The following CLTCL1 variants were observed in gnomAD, a reference collection of about 807,000 sequenced individuals.
CLTCL1 encodes the protein clathrin heavy chain like 1, also known as clathrin heavy chain 2.
Under a neutral mutation model 190.0 loss-of-function variants are expected in CLTCL1, and 159 were observed. The observed-to-expected ratio is 0.84, with a 90% CI of 0.74 to 0.95. The LOEUF (loss-of-function observed/expected upper bound fraction) is 0.95. CLTCL1 is among the 40% of genes least tolerant of loss of function. The pLI is 0.00. For synonymous variants in CLTCL1, 752 were observed against 769.6 expected, an observed-to-expected ratio of 0.98 and a Z score of 0.38; for missense variants, 1,878 against 2,033.4, an observed-to-expected ratio of 0.92 and a Z score of 1.47.
At chr22:19,262,165 A>T (rs1363100481) in intron 2 of CLTCL1, among the ~76,000 whole-genome samples, 1 of 151,872 alleles carries the variant, frequency 6.6e-6, no homozygotes, top group Admixed American at 6.6e-5. Context: ...AGCTGGGACT[A>T]CAGGAGCGTG....
chr22:19,286,525 C>T (rs576831835), intron 1 of CLTCL1, among the ~76,000 whole-genome samples: 15 of 152,296 alleles, frequency 9.8e-5, no homozygotes, highest in African/African-American at 3.6e-4. Flanking sequence ...GAGATAGCTA[C>T]ATAATGGCAA....
chr22:19,284,698 GT>G (rs2087841806), intron 1 of CLTCL1, among the ~76,000 whole-genome samples: 1 of 152,024 alleles, frequency 6.6e-6, no homozygotes, highest in South Asian at 2.1e-4. Flanking sequence ...GCTCACACCT[GT>G]AATCCCAGCA....
At chr22:19,237,697 T>G (rs1456344157) in intron 5 of CLTCL1, among the ~76,000 whole-genome samples, 1 of 152,202 alleles carries the variant, frequency 6.6e-6, no homozygotes, top group African/African-American at 2.4e-5. Flanking sequence ...ACACAGACAA[T>G]AAAATACATA....
At chr22:19,271,235 G>T (rs751325184) in intron 2 of CLTCL1, among the ~76,000 whole-genome samples, 58 of 152,166 alleles carry the variant, frequency 3.8e-4, no homozygotes, top group Non-Finnish European at 7.3e-4. Flanking sequence ...GATATGGTTT[G>T]GTTCTGTGTC....
chr22:19,275,681 C>A lies in CLTCL1; in HGVS notation c.192G>T (p.Arg64=). ...TGATGGCACTCTCTGCAGAGATAGG[C>A]CGTCGGATCGGAGCCATTGGGTCAC... The part of the protein sequence containing the change: ...DMSDPMAPIR[R]PISAESAIMN... Residue 64 remains arginine (R), a synonymous_variant, in exon 2 of 33, where the codon CGG becomes CGT. Transcript: ENST00000427926. The A allele has an allele frequency of 6.2e-7, 1 of 1,606,194 alleles. No individual in the cohort carries two copies. The highest frequency in any genetic ancestry group is 8.5e-7 in the Non-Finnish European group (1 of 1,176,328).
chr22:19,242,498 G>C (rs782099805), intron 4 of CLTCL1, among the ~76,000 whole-genome samples: 9 of 152,108 alleles, frequency 5.9e-5, no homozygotes, highest in Non-Finnish European at 1.2e-4. Context: ...GTTTCACCAC[G>C]TTGGCCAGGC....
intron 30 of CLTCL1, chr22:19,182,305 C>T (rs1180057502): frequency 6.6e-6 from 1 of 152,330 alleles, no homozygotes; most frequent in East Asian, 1.9e-4. Flanking sequence ...GAGTTGCCAT[C>T]CACTGTGGTG....
chr22:19,222,204 A>G (rs530688306), intron 15 of CLTCL1, 111 bp from the exon 16 acceptor site: 1 of 1,092,694 alleles, frequency 9.2e-7, no homozygotes, highest in Non-Finnish European at 1.4e-6. Flanking sequence ...CCTGTTTAGC[A>G]CTGCGCTGTG....
chr22:19,195,535 G>A (rs1249324595), intron 26 of CLTCL1, among the ~76,000 whole-genome samples: 1 of 85,176 alleles, frequency 1.2e-5, no homozygotes, highest in Non-Finnish European at 2.2e-5. Context: ...CAAGCCGACT[G>A]TGACAAGTTA....
intron 19 of CLTCL1, among the ~76,000 whole-genome samples, chr22:19,214,661 C>T (rs2145688054): frequency 6.7e-6 from 1 of 150,060 alleles, no homozygotes; most frequent in Admixed American, 6.7e-5. Context: ...CAAGTATATA[C>T]TCTAAAAATA....
chr22:19,252,164 C>T (rs1285815278), intron 3 of CLTCL1, among the ~76,000 whole-genome samples: 2 of 152,216 alleles, frequency 1.3e-5, no homozygotes, highest in Non-Finnish European at 2.9e-5. Context: ...TGCCTTTCAA[C>T]TAGTCTCCTG....
intron 9 of CLTCL1, 70 bp downstream of exon 9, chr22:19,233,096 C>T (rs1292876751): frequency 4.0e-6 from 6 of 1,518,116 alleles, no homozygotes; most frequent in Non-Finnish European, 5.4e-6. Context: ...ATTTTATAAA[C>T]TTTAAAATCA....
At chr22:19,275,453 G>T (rs2087468137) in intron 2 of CLTCL1, among the ~76,000 whole-genome samples, 170 bp downstream of exon 2, 1 of 152,062 alleles carries the variant, frequency 6.6e-6, no homozygotes, top group African/African-American at 2.4e-5. Context: ...GTGCTCAGGG[G>T]CCTCTTACTA....
intron 29 of CLTCL1, 58 bp downstream of exon 29, chr22:19,187,500 G>A: frequency 3.2e-6 from 5 of 1,559,088 alleles, no homozygotes; most frequent in Non-Finnish European, 4.4e-6. Flanking sequence ...GACCCCCAAA[G>A]CCATCAGGAA....
In CLTCL1 at chr22:19,234,386, A is replaced by G. The variant is rs189886899; in HGVS notation, c.1167+123T>C. The G allele has an allele frequency of 5.5e-6, 5 of 911,056 alleles. No individual in the cohort carries two copies. In the African/African-American group the frequency reaches 8.4e-5, roughly 15 times the overall value. 56.4% of individuals were successfully genotyped at this position (911,056 alleles called of 1,614,324 possible). A position where few individuals can be genotyped will look rare whatever the true frequency, so the allele number is the denominator to read the frequency against. ...CCATTGGTGCAAAAATTTTAAACTA[A>G]AAACTCCTAACATAACACTAATAGA... is the stretch of plus-strand genomic sequence containing the variant. On this transcript the variant is annotated intron_variant, in intron 7 of 32. Transcript: ENST00000427926.
chr22:19,232,712 A>G, intron 9 of CLTCL1, 114 bp from the exon 10 acceptor site: 2 of 1,352,220 alleles, frequency 1.5e-6, no homozygotes, highest in South Asian at 1.4e-5. Flanking sequence ...GAGCAGCAAC[A>G]TTATCATGTG....
intron 22 of CLTCL1, among the ~76,000 whole-genome samples, chr22:19,202,618 T>C (rs1324810200): frequency 1.4e-5 from 2 of 144,198 alleles, no homozygotes; most frequent in Non-Finnish European, 3.0e-5. Context: ...TGGCATCTAC[T>C]GCACTACCCT....
intron 1 of CLTCL1, among the ~76,000 whole-genome samples, chr22:19,286,418 A>G (rs1289732091): frequency 1.3e-5 from 2 of 150,178 alleles, no homozygotes; most frequent in South Asian, 4.2e-4. Flanking sequence ...AACAGTTTAC[A>G]TGGTATCTTA....
intron 7 of CLTCL1, 96 bp downstream of exon 7, chr22:19,234,413 T>C (rs1601601804): frequency 2.7e-6 from 3 of 1,100,064 alleles, no homozygotes; most frequent in East Asian, 5.2e-5. Context: ...ACTAATAGAC[T>C]GCAATATCAC....
Sources: gnomAD v4.1 joint callset for allele counts (sites outside exome capture counted in the v4.1 genomes callset) on GRCh38, gnomAD v4.1.1 for gene constraint, MANE v1.5 for transcripts, NCBI Gene and HGNC (gene_info 2026-07-23, HGNC 2026-07-21) for gene names.